The following OR13C5 variants were observed in gnomAD, a reference collection of about 807,000 sequenced individuals.
OR13C5 encodes the protein olfactory receptor 13C5.
A neutral mutation model predicts 12.4 loss-of-function variants in OR13C5; 9 were observed. That is an observed-to-expected ratio of 0.72 (90% CI 0.44 to 1.26). OR13C5 has a LOEUF of 1.26. OR13C5 is among the 50% of genes most tolerant of loss of function. The pLI is 0.00. For missense variants in OR13C5, 361 were observed against 374.4 expected (o/e 0.96, Z 0.29); for synonymous variants, 124 against 139.4 (o/e 0.89, Z 0.78).
chr9:104,599,204 G>T lies in OR13C5; in HGVS notation c.210C>A (p.Asp70Glu). ...YFFLGNLSFLDICYTTTSIPS... is the reference protein window; with the variant it reads ...YFFLGNLSFLEICYTTTSIPS... ...GAATAGAGGTGGTGGTGTAGCAGAT[G>T]TCCAAGAAGGAGAGGTTCCCCAGAA... Residue 70 changes from aspartate to glutamate, a missense_variant, in exon 1 of 1, where the codon GAC becomes GAA. Asp to Glu is a conservative substitution (Grantham distance 45). Around this residue, in one of 2 missense-constraint regions of OR13C5, gnomAD observed 67 missense variants for 106.4 expected, o/e 0.63. Transcript: ENST00000374779. 6.2e-7 allele frequency: 1 copy of T among 1,611,054 alleles called. No homozygotes were observed. The highest frequency in any genetic ancestry group is 1.7e-5 in the Admixed American group (1 of 59,778).
rs1169459733 is a variant in OR13C5 at position 104,598,616 on chromosome 9, C to G, written c.798G>C (p.Glu266Asp). 3 of 1,613,914 alleles carry G rather than the reference C, an allele frequency of 1.9e-6. No individual in the cohort carries two copies. The highest frequency in any genetic ancestry group is 1.1e-5 in the South Asian group (1 of 91,082). Reference sequence around the variant, plus strand: ...CATCCAAGTCATCTGAATTAAGTGTCTCTTGAGACTTGGGCTTCATGTACA... The same window carrying G: ...CATCCAAGTCATCTGAATTAAGTGTGTCTTGAGACTTGGGCTTCATGTACA... The part of the protein sequence containing the change: ...FLMYMKPKSQ[E>D]TLNSDDLDAT... The change falls in exon 1 of 1, where the codon GAG becomes GAC. Residue 266 changes from glutamate to aspartate, a missense_variant. Coordinates refer to ENST00000374779, the MANE Select transcript of OR13C5 (RefSeq NM_001004482.1).
At position 104,598,802 on chromosome 9, in the gene OR13C5, T is replaced by C; in HGVS notation, c.612A>G (p.Thr204=). The C allele has an allele frequency of 1.2e-6, 2 of 1,614,040 alleles. No individual in the cohort carries two copies. The highest frequency in any genetic ancestry group is 1.7e-6 in the Non-Finnish European group (2 of 1,179,976). Residue 204 remains threonine, a synonymous_variant, in exon 1 of 1, where the codon ACA becomes ACG. Coordinates refer to ENST00000374779, the MANE Select transcript of OR13C5 (RefSeq NM_001004482.1). The stretch of plus-strand genomic sequence containing the variant: ...ATAACAAAGGTGTCAATAGGAACAA[T>C]GTTGTGGTCACAAGCAGGATGAACT... ...GNEFILLVTT[T]LFLLTPLLLI...
Position 104,598,943 on chromosome 9 carries a change from T to G in OR13C5, c.471A>C (p.Ala157=). Residue 157 remains alanine, a synonymous_variant, in exon 1 of 1, where the codon GCA becomes GCC. Coordinates refer to ENST00000374779, the MANE Select transcript of OR13C5 (RefSeq NM_001004482.1). ...GSWIIGAVNS[A]VQTVFVVQLP... is the part of the protein sequence containing the mutation. The stretch of plus-strand genomic sequence containing the variant: ...ATTGTACCACAAACACTGTTTGTAC[T>G]GCAGAATTGACAGCTCCTATGATCC... The G allele has an allele frequency of 6.2e-7, 1 of 1,614,058 alleles. No homozygotes were observed. The highest frequency in any genetic ancestry group is 8.5e-7 in the Non-Finnish European group (1 of 1,179,978).
Position 104,598,727 on chromosome 9 carries a change from G to A in OR13C5, c.687C>T (p.Ser229=). 1 of 1,613,972 alleles carries A rather than the reference G, an allele frequency of 6.2e-7. No individual in the cohort carries two copies. The highest frequency in any genetic ancestry group is 8.5e-7 in the Non-Finnish European group (1 of 1,179,946). ...TLIILSIFKI[S]SSEGRSKPSS... ...AAGGTTTGCTTCTCCCCTCCGAAGA[G>A]CTAATTTTGAAGATGCTCAAAATGA... The change falls in exon 1 of 1, where the codon AGC becomes AGT. Residue 229 remains serine, a synonymous_variant. Coordinates refer to ENST00000374779, the MANE Select transcript of OR13C5 (RefSeq NM_001004482.1).
In OR13C5 at chr9:104,598,677, G is replaced by T. The variant is rs115046869; in HGVS notation, c.737C>A (p.Thr246Asn). 4 of 1,613,968 alleles carry T rather than the reference G, an allele frequency of 2.5e-6. No individual in the cohort carries two copies. The African/African-American group carries it at 5.3e-5, about 22-fold the overall frequency. The change falls in exon 1 of 1, where the codon ACT (threonine) becomes AAT (asparagine). Residue 246 changes from threonine (T) to asparagine (N), a missense_variant. Transcript: ENST00000374779. Reference sequence around the variant, plus strand: ...GGTCCCACAGAATGTTATCACCACAGTCAGACGAGCTGAGCAGGTAGAGGA... The same window carrying T: ...GGTCCCACAGAATGTTATCACCACATTCAGACGAGCTGAGCAGGTAGAGGA... ...KPSSTCSARL[T>N]VVITFCGTIF...
In OR13C5 at chr9:104,598,887, T is replaced by C. The variant is rs1341113509; in HGVS notation, c.527A>G (p.His176Arg). The C allele has an allele frequency of 2.5e-6, 4 of 1,613,814 alleles. No homozygotes were observed. The East Asian group carries it at 8.9e-5, about 36-fold the overall frequency. Residue 176 changes from histidine to arginine, a missense_variant, in exon 1 of 1, where the codon CAT (histidine) becomes CGT (arginine). Physicochemically the swap from His to Arg is conservative, Grantham distance 29. This residue lies in a region of OR13C5 where 294 missense variants were observed against 268.0 expected (regional missense o/e 1.10). Transcript: ENST00000374779. ...GACAGCTAGAATTTCACAGGTGAAATGATTGATGATGTTATTCCTGCAGAA... is the reference window on the plus strand; with the variant it reads ...GACAGCTAGAATTTCACAGGTGAAACGATTGATGATGTTATTCCTGCAGAA... ...LPFCRNNIINHFTCEILAVMK... is the reference protein window; with the variant it reads ...LPFCRNNIINRFTCEILAVMK...
rs753903142 is a variant in OR13C5, at chr9:104,599,108, G to A, written c.306C>T (p.Phe102=). The A allele has an allele frequency of 6.2e-7, 1 of 1,613,314 alleles. No individual in the cohort carries two copies. The highest frequency in any genetic ancestry group is 8.5e-7 in the Non-Finnish European group (1 of 1,179,908). ...ISLSGCAVQM[F]LSLAMGTTEC... ...CTGTTGTCCCCATGGCCAAGCTGAG[G>A]AACATCTGCACTGCACAGCCAGAAA... is the stretch of plus-strand genomic sequence containing the variant. The change falls in exon 1 of 1, where the codon TTC becomes TTT. Residue 102 remains phenylalanine (F), a synonymous_variant. Transcript: ENST00000374779.
In OR13C5 at chr9:104,598,573, A is replaced by C. The variant is rs1184863880; in HGVS notation, c.841T>G (p.Phe281Val). ...GGAGTCATCACCCTGTAGAATATGA[A>C]TATAAGTTTGTCAGTGGCATCCAAG... ...DDLDATDKLI[F>V]IFYRVMTPMM... Residue 281 changes from phenylalanine (F) to valine (V), a missense_variant, in exon 1 of 1, where the codon TTC (phenylalanine) becomes GTC (valine). This residue lies in a region of OR13C5 where 294 missense variants were observed against 268.0 expected (regional missense o/e 1.10). Transcript: ENST00000374779. 6.2e-7 allele frequency: 1 copy of C among 1,613,436 alleles called. No individual in the cohort carries two copies. The highest frequency in any genetic ancestry group is 8.5e-7 in the Non-Finnish European group (1 of 1,179,660).
chr9:104,598,650 A>C lies in OR13C5; in HGVS notation c.764T>G (p.Ile255Ser). Residue 255 changes from isoleucine (I) to serine (S), a missense_variant, in exon 1 of 1, where the codon ATC (isoleucine) becomes AGC (serine). This residue lies in a region of OR13C5 where 294 missense variants were observed against 268.0 expected (regional missense o/e 1.10). Transcript: ENST00000374779. ...CTTGGGCTTCATGTACATGAGGAAG[A>C]TGGTCCCACAGAATGTTATCACCAC... ...LTVVITFCGT[I>S]FLMYMKPKSQ... 1 of 1,613,960 alleles carries C rather than the reference A, an allele frequency of 6.2e-7. No individual in the cohort carries two copies. Among genetic ancestry groups the C allele is most frequent in the Non-Finnish European group, 8.5e-7 (1 of 1,179,898 alleles).
In OR13C5 at chr9:104,598,798, A is replaced by G. The variant is rs777543751; in HGVS notation, c.616T>C (p.Phe206Leu). Residue 206 changes from phenylalanine to leucine, a missense_variant, in exon 1 of 1, where the codon TTC becomes CTC. Coordinates refer to ENST00000374779, the MANE Select transcript of OR13C5 (RefSeq NM_001004482.1). ...ATTAATAACAAAGGTGTCAATAGGA[A>G]CAATGTTGTGGTCACAAGCAGGATG... ...EFILLVTTTL[F>L]LLTPLLLIIV... 12 of 1,613,972 alleles carry G rather than the reference A, an allele frequency of 7.4e-6. No homozygotes were observed. In the Admixed American group the frequency reaches 8.3e-5, roughly 11 times the overall value.
Position 104,598,570 on chromosome 9 carries a change from T to C in OR13C5, c.844A>G (p.Ile282Val), listed in dbSNP as rs1523678. The C allele has an allele frequency of 0.24, 386,898 of 1,608,872 alleles. 56,604 individuals carry two copies. The highest frequency in any genetic ancestry group is 0.6 in the African/African-American group (44,523 of 74,630). Reference protein sequence around the residue: ...DLDATDKLIFIFYRVMTPMMN... With the variant: ...DLDATDKLIFVFYRVMTPMMN... ...ATGGGAGTCATCACCCTGTAGAATATGAATATAAGTTTGTCAGTGGCATCC... is the reference window on the plus strand; with the variant it reads ...ATGGGAGTCATCACCCTGTAGAATACGAATATAAGTTTGTCAGTGGCATCC... The change falls in exon 1 of 1, where the codon ATA becomes GTA. Residue 282 changes from isoleucine (I) to valine (V), a missense_variant. Transcript: ENST00000374779.
chr9:104,598,900 T>C lies in OR13C5; in HGVS notation c.514A>G (p.Asn172Asp), dbSNP rs1826228709. Residue 172 changes from asparagine to aspartate, a missense_variant, in exon 1 of 1, where the codon AAC (asparagine) becomes GAC (aspartate). By Grantham distance (23) the Asn-to-Asp change is conservative. Coordinates refer to ENST00000374779, the MANE Select transcript of OR13C5 (RefSeq NM_001004482.1). ...FVVQLPFCRN[N>D]IINHFTCEIL... ...TCACAGGTGAAATGATTGATGATGT[T>C]ATTCCTGCAGAAAGGCAATTGTACC... 4 of 1,515,556 alleles carry C rather than the reference T, an allele frequency of 2.6e-6. No individual in the cohort carries two copies. Among genetic ancestry groups the C allele is most frequent in the Middle Eastern group, 1.8e-4 (1 of 5,664 alleles). The allele number at this position is 1,515,556 out of a possible 1,614,324, so 93.9% of individuals were successfully genotyped here.
chr9:104,599,172 G>A lies in OR13C5; in HGVS notation c.242C>T (p.Thr81Met), dbSNP rs547380328. 7.4e-5 allele frequency: 118 copies of A among 1,600,282 alleles called. No homozygotes were observed. In the East Asian group the frequency reaches 1.6e-3, roughly 21 times the overall value. The change falls in exon 1 of 1, where the codon ACG becomes ATG. Residue 81 changes from threonine to methionine, a missense_variant. Physicochemically the swap from Thr to Met is moderately conservative, Grantham distance 81. Around this residue, in one of 2 missense-constraint regions of OR13C5, gnomAD observed 67 missense variants for 106.4 expected, o/e 0.63. Transcript: ENST00000374779. ...TCTTTCTGAAAGGAAGCTCACTAGC[G>A]TGGAGGGAATAGAGGTGGTGGTGTA... ...ICYTTTSIPS[T>M]LVSFLSERKT...
chr9:104,598,717 C>T lies in OR13C5; in HGVS notation c.697G>A (p.Gly233Arg), dbSNP rs1324469059. The change falls in exon 1 of 1, where the codon GGG becomes AGG. Residue 233 changes from glycine (G) to arginine (R), a missense_variant. Coordinates refer to ENST00000374779, the MANE Select transcript of OR13C5 (RefSeq NM_001004482.1). ...CAGGTAGAGGAAGGTTTGCTTCTCC[C>T]CTCCGAAGAGCTAATTTTGAAGATG... ...LSIFKISSSE[G>R]RSKPSSTCSA... 6 of 1,613,894 alleles carry T rather than the reference C, an allele frequency of 3.7e-6. No individual in the cohort carries two copies. Among genetic ancestry groups the T allele is most frequent in the Non-Finnish European group, 5.1e-6 (6 of 1,179,924 alleles).
chr9:104,598,830 T>C lies in OR13C5; in HGVS notation c.584A>G (p.Asn195Ser), dbSNP rs6479259. ...TGTGGTCACAAGCAGGATGAACTCA[T>C]TGCCTGAGATGTCAGCACAGGCCAG... is the stretch of plus-strand genomic sequence containing the variant. Reference protein sequence around the residue: ...MKLACADISGNEFILLVTTTL... With the variant: ...MKLACADISGSEFILLVTTTL... The change falls in exon 1 of 1, where the codon AAT becomes AGT. Residue 195 changes from asparagine (N) to serine (S), a missense_variant. Around this residue, in one of 2 missense-constraint regions of OR13C5, gnomAD observed 294 missense variants for 268.0 expected, o/e 1.10. Coordinates refer to ENST00000374779, the MANE Select transcript of OR13C5 (RefSeq NM_001004482.1). The C allele has an allele frequency of 0.026, 42,261 of 1,613,966 alleles. 4,419 individuals carry two copies. The African/African-American group carries it at 0.32, about 12-fold the overall frequency.
chr9:104,598,772 A>G lies in OR13C5; in HGVS notation c.642T>C (p.Ile214=), dbSNP rs75725532. The part of the protein sequence containing the change: ...TLFLLTPLLL[I]IVSYTLIILS... ...AAATGATTAACGTGTAAGAGACAATAATTAATAACAAAGGTGTCAATAGGA... is the reference window on the plus strand; with the variant it reads ...AAATGATTAACGTGTAAGAGACAATGATTAATAACAAAGGTGTCAATAGGA... Residue 214 remains isoleucine (I), a synonymous_variant, in exon 1 of 1, where the codon ATT becomes ATC. Coordinates refer to ENST00000374779, the MANE Select transcript of OR13C5 (RefSeq NM_001004482.1). 61 of 1,613,890 alleles carry G rather than the reference A, an allele frequency of 3.8e-5. No homozygotes were observed. The Admixed American group carries it at 5.5e-4, about 15-fold the overall frequency.
Position 104,598,639 on chromosome 9 carries a change from A to T in OR13C5, c.775T>A (p.Tyr259Asn), listed in dbSNP as rs1826222517. Residue 259 changes from tyrosine (Y) to asparagine (N), a missense_variant, in exon 1 of 1, where the codon TAC (tyrosine) becomes AAC (asparagine). By Grantham distance (143) the Tyr-to-Asn change is moderately radical. Coordinates refer to ENST00000374779, the MANE Select transcript of OR13C5 (RefSeq NM_001004482.1). ...GTCTCTTGAGACTTGGGCTTCATGT[A>T]CATGAGGAAGATGGTCCCACAGAAT... ...ITFCGTIFLM[Y>N]MKPKSQETLN... 2 of 1,613,886 alleles carry T rather than the reference A, an allele frequency of 1.2e-6. No homozygotes were observed. The highest frequency in any genetic ancestry group is 2.7e-5 in the African/African-American group (2 of 74,914).
In OR13C5 at chr9:104,598,578, AG is replaced by A; in HGVS notation, c.835del (p.Ile280TyrfsTer7). The A allele has an allele frequency of 6.2e-7, 1 of 1,613,582 alleles. No individual in the cohort carries two copies. The highest frequency in any genetic ancestry group is 1.1e-5 in the South Asian group (1 of 91,072). ...NSDDLDATDKLIFIFYRVMTP... is the reference protein window; with the variant it reads ...NSDDLDATDKXIFIFYRVMTP... ...CATCACCCTGTAGAATATGAATATAAGTTTGTCAGTGGCATCCAAGTCATCT... is the reference window on the plus strand; with the variant it reads ...CATCACCCTGTAGAATATGAATATAATTTGTCAGTGGCATCCAAGTCATCT... On this transcript the variant is annotated frameshift_variant, in exon 1 of 1. Transcript: ENST00000374779. LOFTEE classifies it high-confidence loss of function.
Position 104,598,844 on chromosome 9 carries a change from A to C in OR13C5, c.570T>G (p.Ala190=), listed in dbSNP as rs1281502549. Residue 190 remains alanine (A), a synonymous_variant, in exon 1 of 1, where the codon GCT becomes GCG. Transcript: ENST00000374779. ...GGATGAACTCATTGCCTGAGATGTC[A>C]GCACAGGCCAGTTTCATGACAGCTA... ...EILAVMKLAC[A]DISGNEFILL... The C allele has an allele frequency of 6.2e-7, 1 of 1,614,008 alleles. No homozygotes were observed. The highest frequency in any genetic ancestry group is 1.3e-5 in the African/African-American group (1 of 74,942).
Sources: allele counts gnomAD v4.1 joint callset, GRCh38; gene constraint gnomAD v4.1.1; regional missense constraint gnomAD v4.1.1; transcripts MANE v1.5; gene names NCBI Gene and HGNC (gene_info 2026-07-23, HGNC 2026-07-21).